Variants in BLTP1 observed in about 807,000 individuals in gnomAD.
BLTP1 encodes bridge-like lipid transfer protein family member 1.
At chr4:122,263,615 C>T in the BLTP1 span, 1 of 1,536,472 alleles carries the variant, frequency 6.5e-7, no homozygotes, top group South Asian at 1.2e-5. Context: ...TGAGTTATCA[C>T]ATTATTTTGC....
chr4:122,214,616 CTTTTTTTTTT>C, the BLTP1 span: 6 of 75,864 alleles, frequency 7.9e-5, no homozygotes, highest in African/African-American at 2.2e-4. Flanking sequence ...TCAGTAAATT[CTTTTTTTTTT>C]TTTTTTTTTT....
At chr4:122,314,755 A>G in the BLTP1 span, among the ~76,000 whole-genome samples, 1 of 152,164 alleles carries the variant, frequency 6.6e-6, no homozygotes, top group East Asian at 1.9e-4. Context: ...GGTCACAAAT[A>G]AATCTTCGTC....
At chr4:122,193,949 G>A in the BLTP1 span, among the ~76,000 whole-genome samples, 1 of 151,478 alleles carries the variant, frequency 6.6e-6, no homozygotes, top group Non-Finnish European at 1.5e-5. Flanking sequence ...TGCAAGCTCC[G>A]CCTCCCGGGT....
chr4:122,200,090 T>A, the BLTP1 span: 1 of 946,248 alleles, frequency 1.1e-6, no homozygotes, highest in Non-Finnish European at 1.3e-6. Context: ...GTTCTTAATT[T>A]CTTGTCTTAA....
the BLTP1 span, chr4:122,258,792 G>A: frequency 6.2e-7 from 1 of 1,613,964 alleles, no homozygotes; most frequent in Non-Finnish European, 8.5e-7. Context: ...CTGAGATAAT[G>A]AGGAAACTTT....
chr4:122,328,415 A>G, the BLTP1 span: 1 of 1,462,186 alleles, frequency 6.8e-7, no homozygotes, highest in South Asian at 1.2e-5. Context: ...AAATGAGCAC[A>G]AAATGTTATA....
At chr4:122,168,745 GA>G in the BLTP1 span, among the ~76,000 whole-genome samples, 1 of 151,988 alleles carries the variant, frequency 6.6e-6, no homozygotes, top group Non-Finnish European at 1.5e-5. Context: ...ATTGTAAACT[GA>G]AAACATTTTC....
chr4:122,315,313 A>G, the BLTP1 span: 2 of 1,048,678 alleles, frequency 1.9e-6, no homozygotes, highest in Non-Finnish European at 2.7e-6. Context: ...CACTGTACAC[A>G]TAGAGAAATC....
At chr4:122,286,694 A>G in the BLTP1 span, 1 of 1,613,764 alleles carries the variant, frequency 6.2e-7, no homozygotes, top group Non-Finnish European at 8.5e-7. Flanking sequence ...GAAGAACATG[A>G]TAGTTATTCG....
chr4:122,211,704 TA>T, the BLTP1 span, among the ~76,000 whole-genome samples: 1 of 152,196 alleles, frequency 6.6e-6, no homozygotes, highest in Non-Finnish European at 1.5e-5. Context: ...TGAAATTGTG[TA>T]ATTGCACAGT....
chr4:122,239,923 C>T, the BLTP1 span: 2 of 1,613,736 alleles, frequency 1.2e-6, no homozygotes, highest in Non-Finnish European at 1.7e-6. Context: ...GGAACTTATC[C>T]GGGTAGAAAA....
At chr4:122,264,470 AG>A in the BLTP1 span, 1 of 1,501,516 alleles carries the variant, frequency 6.7e-7, no homozygotes, top group Non-Finnish European at 8.9e-7. Flanking sequence ...ATACCTCCTT[AG>A]GCATTGCTTA....
chr4:122,203,333 GA>G, the BLTP1 span, among the ~76,000 whole-genome samples: 2 of 151,796 alleles, frequency 1.3e-5, no homozygotes, highest in Non-Finnish European at 3.0e-5. Flanking sequence ...AACAAAAGCA[GA>G]AACTGAAGCC....
the BLTP1 span, chr4:122,209,011 T>G: frequency 1.6e-6 from 1 of 623,928 alleles, no homozygotes; most frequent in South Asian, 7.6e-5. Context: ...AAAAGATAAA[T>G]AATACAATAA....
the BLTP1 span, among the ~76,000 whole-genome samples, chr4:122,183,804 T>G: frequency 7.0e-6 from 1 of 143,800 alleles, no homozygotes; most frequent in Non-Finnish European, 1.5e-5. Flanking sequence ...CAAATGGACC[T>G]TCTTCTCTAC....
the BLTP1 span, among the ~76,000 whole-genome samples, chr4:122,259,724 G>A: frequency 1.8e-4 from 28 of 151,988 alleles, no homozygotes; most frequent in African/African-American, 6.5e-4. Flanking sequence ...GCCGGGTGTG[G>A]TGGCAGGCGC....
the BLTP1 span, among the ~76,000 whole-genome samples, chr4:122,245,766 T>C: frequency 6.6e-6 from 1 of 152,084 alleles, no homozygotes. Flanking sequence ...TATATTGGCA[T>C]TTCATGTGAT....
At chr4:122,208,952 T>C in the BLTP1 span, among the ~76,000 whole-genome samples, 1 of 143,606 alleles carries the variant, frequency 7.0e-6, no homozygotes, top group Non-Finnish European at 1.5e-5. Context: ...AGTTCAAGGC[T>C]TCACTCCAAC....
chr4:122,319,196 C>T, the BLTP1 span, among the ~76,000 whole-genome samples: 1 of 151,952 alleles, frequency 6.6e-6, no homozygotes, highest in South Asian at 2.1e-4. Flanking sequence ...TGATTTTTCT[C>T]TATTGATTTC....
Sources: gnomAD v4.1 joint callset for allele counts (sites outside exome capture counted in the v4.1 genomes callset) on GRCh38, gnomAD v4.1.1 for gene constraint, MANE v1.5 for transcripts, NCBI Gene and HGNC (gene_info 2026-07-23, HGNC 2026-07-21) for gene names.